The following CTNNA2 variants were observed in gnomAD, a reference collection of about 807,000 sequenced individuals.
CTNNA2 encodes the protein catenin alpha 2.
A neutral mutation model predicts 101.0 loss-of-function variants in CTNNA2; 42 were observed. The observed-to-expected ratio is 0.42, with a 90% CI of 0.32 to 0.54. CTNNA2 has a LOEUF of 0.54. Among genes scored for constraint, CTNNA2 ranks in the 20% least tolerant of loss-of-function variants. The probability of loss-of-function intolerance (pLI) is 0.14; values close to 1 mark genes in which losing one functional copy is unlikely to be tolerated. For missense variants in CTNNA2, 871 were observed against 1,223.1 expected (o/e 0.71, Z 4.29); for synonymous variants, 450 against 456.4 (o/e 0.99, Z 0.18).
chr2:80,066,417 A>T (rs937715594), intron 7 of CTNNA2, among the ~76,000 whole-genome samples: 1 of 152,214 alleles, frequency 6.6e-6, no homozygotes. Context: ...ACCCAATTAC[A>T]AAGTAGGCAA....
At chr2:80,557,725 A>T (rs776775094) in intron 12 of CTNNA2, among the ~76,000 whole-genome samples, 2 of 152,218 alleles carry the variant, frequency 1.3e-5, no homozygotes, top group Admixed American at 1.3e-4. Context: ...GACTGCTTTG[A>T]CAACAGGAGT....
At chr2:80,057,958 C>G (rs1281656565) in intron 7 of CTNNA2, among the ~76,000 whole-genome samples, 1 of 151,848 alleles carries the variant, frequency 6.6e-6, no homozygotes, top group Non-Finnish European at 1.5e-5. Flanking sequence ...AAAATGAGAA[C>G]AAAAAAACAA....
intron 1 of CTNNA2, among the ~76,000 whole-genome samples, chr2:79,530,057 C>T (rs1366540746): frequency 6.6e-6 from 1 of 152,038 alleles, no homozygotes; most frequent in Non-Finnish European, 1.5e-5. Context: ...ACCCCATGTC[C>T]ACTTTGTGGT....
At chr2:80,052,772 A>T (rs2104339418) in intron 7 of CTNNA2, among the ~76,000 whole-genome samples, 1 of 152,314 alleles carries the variant, frequency 6.6e-6, no homozygotes, top group Middle Eastern at 3.4e-3. Flanking sequence ...CAGTTTGCAT[A>T]AAAGAAATGA....
chr2:80,318,982 AAAG>A (rs1678408592), intron 7 of CTNNA2, among the ~76,000 whole-genome samples: 1 of 152,172 alleles, frequency 6.6e-6, no homozygotes, highest in Non-Finnish European at 1.5e-5. Context: ...ATAATTTTAA[AAAG>A]ATAATATGCT....
chr2:79,797,438 A>C (rs2105281284), intron 3 of CTNNA2, among the ~76,000 whole-genome samples: 1 of 152,174 alleles, frequency 6.6e-6, no homozygotes, highest in South Asian at 2.1e-4. Flanking sequence ...AGGCGGGTGG[A>C]TCACAAAGTC....
chr2:80,263,817 G>C (rs577927029), intron 7 of CTNNA2, among the ~76,000 whole-genome samples: 2 of 152,142 alleles, frequency 1.3e-5, no homozygotes, highest in Admixed American at 6.5e-5. Context: ...CTTGAATATT[G>C]GTTCCACTGT....
chr2:80,542,876 T>TC (rs1691696911), intron 9 of CTNNA2, among the ~76,000 whole-genome samples: 1 of 107,748 alleles, frequency 9.3e-6, no homozygotes, highest in African/African-American at 4.0e-5. Context: ...ATCCTGATTT[T>TC]TTCCCCCCCC....
chr2:80,220,029 T>C (rs1708489198), intron 7 of CTNNA2, among the ~76,000 whole-genome samples: 1 of 151,834 alleles, frequency 6.6e-6, no homozygotes, highest in Admixed American at 6.6e-5. Context: ...CAAACAAAAA[T>C]ACCCAACTTC....
rs112377781 is a variant in CTNNA2 at position 80,256,175 on chromosome 2, C to T, written c.1057-137036C>T. Among the ~76,000 whole-genome samples, 252 of 152,146 alleles carry T rather than the reference C, an allele frequency of 1.7e-3. 2 individuals carry two copies. Among genetic ancestry groups the T allele is most frequent in the African/African-American group, 5.9e-3 (243 of 41,512 alleles). ...AGGGAATGCAGCATCTTCAGAAACCCGTTAAAAGGCACAGCCTTTTGTTGC... is the reference window on the plus strand; with the variant it reads ...AGGGAATGCAGCATCTTCAGAAACCTGTTAAAAGGCACAGCCTTTTGTTGC... On this transcript the variant is annotated intron_variant, in intron 7 of 18. Coordinates refer to ENST00000402739, the MANE Select transcript of CTNNA2 (RefSeq NM_001282597.3).
chr2:79,484,454 A>G (rs1671139428), intron 4 of CTNNA2, among the ~76,000 whole-genome samples: 1 of 152,186 alleles, frequency 6.6e-6, no homozygotes, highest in Non-Finnish European at 1.5e-5. Flanking sequence ...GAAACAAAAC[A>G]GAGGATTCCT....
At chr2:79,276,143 G>T (rs1398101658) in intron 2 of CTNNA2, among the ~76,000 whole-genome samples, 1 of 152,202 alleles carries the variant, frequency 6.6e-6, no homozygotes, top group African/African-American at 2.4e-5. Context: ...AAGAAAGAAG[G>T]TCACAGAAGT....
At chr2:80,406,826 C>CAAA (rs56793591) in intron 8 of CTNNA2, among the ~76,000 whole-genome samples, 5 of 63,978 alleles carry the variant, frequency 7.8e-5, no homozygotes, top group African/African-American at 8.5e-5. Flanking sequence ...GACTCCATCT[C>CAAA]AAAAAAAAAA....
chr2:80,198,107 A>G (rs1706953100), intron 7 of CTNNA2, among the ~76,000 whole-genome samples: 1 of 152,192 alleles, frequency 6.6e-6, no homozygotes, highest in Admixed American at 6.5e-5. Context: ...ATCACCCCTC[A>G]TGCACATGAA....
At chr2:79,926,862 G>A (rs968684176) in intron 7 of CTNNA2, among the ~76,000 whole-genome samples, 7 of 151,824 alleles carry the variant, frequency 4.6e-5, no homozygotes, top group Admixed American at 4.0e-4. Flanking sequence ...AGCCTATTAA[G>A]TCCCTTCCAA....
intron 7 of CTNNA2, among the ~76,000 whole-genome samples, chr2:80,078,802 C>T (rs993411035): frequency 6.6e-6 from 1 of 152,108 alleles, no homozygotes; most frequent in African/African-American, 2.4e-5. Flanking sequence ...GCCCTTACCC[C>T]CTATGTTTTG....
At chr2:79,332,052 C>T (rs1414476418) in intron 3 of CTNNA2, among the ~76,000 whole-genome samples, 1 of 151,998 alleles carries the variant, frequency 6.6e-6, no homozygotes, top group Non-Finnish European at 1.5e-5. Flanking sequence ...ATACCACTGG[C>T]AAAATTAGTA....
chr2:80,368,267 C>T (rs952665132), intron 7 of CTNNA2, among the ~76,000 whole-genome samples: 1 of 152,048 alleles, frequency 6.6e-6, no homozygotes, highest in Admixed American at 6.6e-5. Flanking sequence ...ATGGGTTGCA[C>T]TGAGGATTAA....
intron 7 of CTNNA2, among the ~76,000 whole-genome samples, chr2:80,141,383 T>G (rs987792823): frequency 6.6e-6 from 1 of 151,922 alleles, no homozygotes; most frequent in Admixed American, 6.6e-5. Context: ...TTAACAGCAG[T>G]AAGGTTCAAA....
Sources: allele counts gnomAD v4.1 joint callset (sites outside exome capture counted in the v4.1 genomes callset), GRCh38; gene constraint gnomAD v4.1.1; transcripts MANE v1.5; gene names NCBI Gene and HGNC (gene_info 2026-07-23, HGNC 2026-07-21).